GNA11: variants seen among roughly 807,000 people sequenced by gnomAD.
GNA11 encodes the protein G protein subunit alpha 11, also known as guanine nucleotide-binding protein subunit alpha-11.
GNA11 carries 8 observed loss-of-function variants against 38.2 expected under a neutral mutation model. The observed-to-expected ratio is 0.21, with a 90% CI of 0.12 to 0.38. The LOEUF (loss-of-function observed/expected upper bound fraction) is 0.38, where lower values mean the gene tolerates loss of function less well. GNA11 is among the 10% of genes least tolerant of loss of function. GNA11 has a pLI of 1.00. For synonymous variants in GNA11, 211 were observed against 221.4 expected, an observed-to-expected ratio of 0.95 and a Z score of 0.42; for missense variants, 268 against 516.3, an observed-to-expected ratio of 0.52 and a Z score of 4.66.
rs528667271 is a variant in GNA11 at position 3,110,440 on chromosome 19, G to A, written c.321+107G>A. 1.3e-3 allele frequency: 1,097 copies of A among 843,684 alleles called. 3 individuals carry two copies. The highest frequency in any genetic ancestry group is 1.5e-3 in the Non-Finnish European group (803 of 536,892). 52.3% of individuals were successfully genotyped at this position (843,684 alleles called of 1,614,324 possible). A position where few individuals can be genotyped will look rare whatever the true frequency, so the allele number is the denominator to read the frequency against. ...TGGGGCCATGCCGGGGGTCCCGGCC[G>A]GCCCAGGCTACCCCTGGTCATCCAT... On this transcript the variant is annotated intron_variant, in intron 2 of 6. Transcript: ENST00000078429. This position sits in a 1 kb window ranked among gnomAD's most constrained non-coding sequence, Gnocchi z 5.4.
At chr19:3,113,555 G>A in intron 3 of GNA11, 71 bp downstream of exon 3, 1 of 1,209,110 alleles carries the variant, frequency 8.3e-7, no homozygotes, top group Admixed American at 2.7e-5. Context: ...CCTTCGGGAA[G>A]GCCTCCGCGG....
rs867218234 is a variant in GNA11 at position 3,116,853 on chromosome 19, G to A, written c.605+1781G>A. Reference sequence around the variant, plus strand: ...CTGCCGAGGCCATTGTGAGGGTTCCGGGAAGTCTGTGGGGTTTTCCTCGAG... The same window carrying A: ...CTGCCGAGGCCATTGTGAGGGTTCCAGGAAGTCTGTGGGGTTTTCCTCGAG... On this transcript the variant is annotated intron_variant, in intron 4 of 6. Transcript: ENST00000078429. Among the ~76,000 whole-genome samples, 5 of 152,168 alleles carry A rather than the reference G, an allele frequency of 3.3e-5. No individual in the cohort carries two copies. The East Asian group carries it at 5.8e-4, about 18-fold the overall frequency.
chr19:3,105,370 C>T (rs1477426555), intron 1 of GNA11, among the ~76,000 whole-genome samples: 1 of 128,394 alleles, frequency 7.8e-6, no homozygotes, highest in Non-Finnish European at 1.5e-5. Context: ...GCTGGACGTC[C>T]AAGATCAAGG....
chr19:3,099,757 C>T (rs1313092462), intron 1 of GNA11, among the ~76,000 whole-genome samples: 5 of 152,240 alleles, frequency 3.3e-5, no homozygotes, highest in Admixed American at 6.5e-5. Flanking sequence ...CTGGTCCAGC[C>T]TGGCCTCCCG....
chr19:3,120,866 T>C lies in GNA11; in HGVS notation c.890-123T>C. The C allele has an allele frequency of 1.5e-6, 1 of 662,192 alleles. No homozygotes were observed. The highest frequency in any genetic ancestry group is 2.6e-6 in the Non-Finnish European group (1 of 387,076). The allele number at this position is 662,192 out of a possible 1,614,324, so 41.0% of individuals were successfully genotyped here. On this transcript the variant is annotated intron_variant, in intron 6 of 6. Coordinates refer to ENST00000078429, the MANE Select transcript of GNA11 (RefSeq NM_002067.5). This position sits in a 1 kb window ranked among gnomAD's most constrained non-coding sequence, Gnocchi z 5.9. Reference sequence around the variant, plus strand: ...GCGGCCCGTCAGGCATGCAGTGGGCTGGGGGTCGAGCTGGGTGGGCCGTGG... The same window carrying C: ...GCGGCCCGTCAGGCATGCAGTGGGCCGGGGGTCGAGCTGGGTGGGCCGTGG...
intron 1 of GNA11, among the ~76,000 whole-genome samples, chr19:3,107,294 C>A (rs1049558779): frequency 6.6e-6 from 1 of 152,204 alleles, no homozygotes; most frequent in Non-Finnish European, 1.5e-5. Flanking sequence ...TGGGCAGTGA[C>A]CTGTGGCGTT....
rs1017058978 is a variant in GNA11, at chr19:3,123,069, G to T, written c.*1890G>T. 8.6e-6 allele frequency: 2 copies of T among 233,280 alleles called. No individual in the cohort carries two copies. The highest frequency in any genetic ancestry group is 1.7e-5 in the Non-Finnish European group (2 of 118,158). 14.5% of individuals were successfully genotyped at this position (233,280 alleles called of 1,614,324 possible). A position where few individuals can be genotyped will look rare whatever the true frequency, so the allele number is the denominator to read the frequency against. ...ATGGCGAGTGCTGGGGCCCGGCGGT[G>T]CCCTGGGGGAGCAGATGGGGCCACC... On this transcript the variant is annotated 3_prime_UTR_variant, in exon 7 of 7. Coordinates refer to ENST00000078429, the MANE Select transcript of GNA11 (RefSeq NM_002067.5).
rs2145326810 is a variant in GNA11, at chr19:3,119,189, G to A, written c.736-17G>A. On this transcript the variant is annotated splice_polypyrimidine_tract_variant and intron_variant, in intron 5 of 6. Coordinates refer to ENST00000078429, the MANE Select transcript of GNA11 (RefSeq NM_002067.5). This position sits in a 1 kb window ranked among gnomAD's most constrained non-coding sequence, Gnocchi z 4.6. ...GGGGAGGGCCCCTCTGATTCCCTCT[G>A]CCTTCGCTCCCGCCAGAACCGGATG... 8 of 1,612,310 alleles carry A rather than the reference G, an allele frequency of 5.0e-6. No homozygotes were observed. Among genetic ancestry groups the A allele is most frequent in the Non-Finnish European group, 6.8e-6 (8 of 1,179,310 alleles).
At chr19:3,098,247 A>G (rs308037) in intron 1 of GNA11, among the ~76,000 whole-genome samples, 104,557 of 152,134 alleles carry the variant, frequency 0.69, 35,954 homozygotes, top group East Asian at 0.79. Flanking sequence ...CAGGAGTGGC[A>G]AGCACGTACT....
At position 3,119,215 on chromosome 19, in the gene GNA11, G is replaced by A; in HGVS notation, c.745G>A (p.Glu249Lys). Reference sequence around the variant, plus strand: ...CCTTCGCTCCCGCCAGAACCGGATGGAGGAGAGCAAAGCCCTGTTCCGGAC... The same window carrying A: ...CCTTCGCTCCCGCCAGAACCGGATGAAGGAGAGCAAAGCCCTGTTCCGGAC... Reference protein sequence around the residue: ...LVESDNENRMEESKALFRTII... With the variant: ...LVESDNENRMKESKALFRTII... Residue 249 changes from glutamate to lysine, a missense_variant, in exon 6 of 7, where the codon GAG becomes AAG. By Grantham distance (56) the Glu-to-Lys change is moderately conservative. Coordinates refer to ENST00000078429, the MANE Select transcript of GNA11 (RefSeq NM_002067.5). This position sits in a 1 kb window ranked among gnomAD's most constrained non-coding sequence, Gnocchi z 4.6. 2 of 1,613,888 alleles carry A rather than the reference G, an allele frequency of 1.2e-6. No individual in the cohort carries two copies. Among genetic ancestry groups the A allele is most frequent in the East Asian group, 4.5e-5 (2 of 44,872 alleles).
At chr19:3,102,344 A>G (rs1844042769) in intron 1 of GNA11, among the ~76,000 whole-genome samples, 6 of 152,188 alleles carry the variant, frequency 3.9e-5, no homozygotes, top group Admixed American at 3.9e-4. Context: ...TCCAGTCCAG[A>G]GGCTGTCCTG....
rs150293267 is a variant in GNA11, at chr19:3,110,114, G to A, written c.137-35G>A. On this transcript the variant is annotated intron_variant, in intron 1 of 6. Coordinates refer to ENST00000078429, the MANE Select transcript of GNA11 (RefSeq NM_002067.5). The surrounding 1 kb of genome is among the most constrained non-coding windows in gnomAD (Gnocchi z 5.4). ...GGCAGCAGCACGAGAGTCAGGCCCC[G>A]GCTGCCGCCCGCCCTCACGTGCCCC... 28 of 1,543,616 alleles carry A rather than the reference G, an allele frequency of 1.8e-5. No individual in the cohort carries two copies. The highest frequency in any genetic ancestry group is 4.1e-5 in the African/African-American group (3 of 73,272).
rs371712160 is a variant in GNA11 at position 3,113,409 on chromosome 19, C to A, written c.401C>A (p.Thr134Asn). 6.2e-7 allele frequency: 1 copy of A among 1,613,152 alleles called. No individual in the cohort carries two copies. The highest frequency in any genetic ancestry group is 8.5e-7 in the Non-Finnish European group (1 of 1,179,562). Residue 134 changes from threonine to asparagine, a missense_variant, in exon 3 of 7, where the codon ACC (threonine) becomes AAC (asparagine). Thr to Asn is a moderately conservative substitution (Grantham distance 65). Coordinates refer to ENST00000078429, the MANE Select transcript of GNA11 (RefSeq NM_002067.5). The stretch of plus-strand genomic sequence containing the variant: ...CATCAGTACGTCAGTGCCATCAAGA[C>A]CCTGTGGGAGGACCCGGGCATCCAG... ...FEHQYVSAIK[T>N]LWEDPGIQEC...
chr19:3,120,889 TG>T lies in GNA11; in HGVS notation c.890-97del. 1.2e-6 allele frequency: 1 copy of T among 827,828 alleles called. No homozygotes were observed. Among genetic ancestry groups the T allele is most frequent in the East Asian group, 2.6e-5 (1 of 38,366 alleles). The allele number at this position is 827,828 out of a possible 1,614,324, so 51.3% of individuals were successfully genotyped here. ...GCTGGGGGTCGAGCTGGGTGGGCCG[TG>T]GGCCTTACTCGCTCATCCCCTGGGA... On this transcript the variant is annotated intron_variant, in intron 6 of 6. Coordinates refer to ENST00000078429, the MANE Select transcript of GNA11 (RefSeq NM_002067.5). The surrounding 1 kb of genome is among the most constrained non-coding windows in gnomAD (Gnocchi z 5.9).
At chr19:3,111,725 CCT>C (rs1913779742) in intron 2 of GNA11, among the ~76,000 whole-genome samples, 2 of 152,224 alleles carry the variant, frequency 1.3e-5, no homozygotes, top group Admixed American at 6.5e-5. Flanking sequence ...CTGGCTTTGC[CCT>C]CTGAGAAGCG....
intron 3 of GNA11, 132 bp downstream of exon 3, chr19:3,113,616 C>T (rs1056750653): frequency 5.4e-5 from 36 of 664,618 alleles, no homozygotes; most frequent in African/African-American, 1.1e-4. Context: ...GCGGTGGGCC[C>T]GGGCCACCTG....
At position 3,110,231 on chromosome 19, in the gene GNA11, C is replaced by T. The variant is rs947843389; in HGVS notation, c.219C>T (p.Arg73=). 3.1e-6 allele frequency: 5 copies of T among 1,613,764 alleles called. No homozygotes were observed. The highest frequency in any genetic ancestry group is 1.3e-5 in the African/African-American group (1 of 74,922). ...HGAGYSEEDK[R]GFTKLVYQNI... ...CCGGCTACTCGGAGGAGGACAAGCG[C>T]GGCTTCACCAAGCTCGTCTACCAGA... is the stretch of plus-strand genomic sequence containing the variant. Residue 73 remains arginine (R), a synonymous_variant, in exon 2 of 7, where the codon CGC becomes CGT. Coordinates refer to ENST00000078429, the MANE Select transcript of GNA11 (RefSeq NM_002067.5). The surrounding 1 kb of genome is among the most constrained non-coding windows in gnomAD (Gnocchi z 5.4).
At chr19:3,109,024 C>T (rs577921071) in intron 1 of GNA11, among the ~76,000 whole-genome samples, 1 of 152,198 alleles carries the variant, frequency 6.6e-6, no homozygotes, top group African/African-American at 2.4e-5. Flanking sequence ...TGTGAACTGG[C>T]CTTGGAGATG....
At chr19:3,111,342 C>G (rs10404790) in intron 2 of GNA11, among the ~76,000 whole-genome samples, 4 of 152,140 alleles carry the variant, frequency 2.6e-5, no homozygotes, top group African/African-American at 9.7e-5. Flanking sequence ...CCTCCAGCCC[C>G]GGCACCCACA....
Sources: gnomAD v4.1 joint callset for allele counts (sites outside exome capture counted in the v4.1 genomes callset) on GRCh38, gnomAD v4.1.1 for gene constraint, Gnocchi (gnomAD v3.1) non-coding constraint, MANE v1.5 for transcripts, NCBI Gene and HGNC (gene_info 2026-07-23, HGNC 2026-07-21) for gene names.